The following TOX variants were observed in gnomAD, a reference collection of about 807,000 sequenced individuals.
TOX encodes the protein thymocyte selection-associated high mobility group box protein TOX.
In TOX, 11 loss-of-function variants were observed where a neutral mutation model predicts 53.7. The observed-to-expected ratio is 0.20, with a 90% CI of 0.13 to 0.34. The LOEUF (loss-of-function observed/expected upper bound fraction) is 0.34. Ranked by LOEUF, TOX falls within the 10% of genes least tolerant of loss-of-function variation. TOX has a pLI of 1.00. For synonymous variants in TOX, 225 were observed against 245.3 expected (o/e 0.92, Z 0.77); for missense variants, 570 against 664.6 (o/e 0.86, Z 1.56).
chr8:58,943,850 C>T (rs1049826793), intron 2 of TOX, among the ~76,000 whole-genome samples: 1 of 152,184 alleles, frequency 6.6e-6, no homozygotes, highest in African/African-American at 2.4e-5. Flanking sequence ...CCAACCAATG[C>T]TGAAAGTCAG....
intron 2 of TOX, among the ~76,000 whole-genome samples, chr8:58,952,135 G>T (rs1397146050): frequency 6.6e-6 from 1 of 152,132 alleles, no homozygotes; most frequent in Non-Finnish European, 1.5e-5. Flanking sequence ...TACACAGGAG[G>T]AGGTCTCAGA....
rs1805147841 is a variant in TOX at position 59,118,454 on chromosome 8, G to T, written c.102+432C>A. On this transcript the variant is annotated intron_variant, in intron 1 of 8. Transcript: ENST00000361421. This position sits in a 1 kb window ranked among gnomAD's most constrained non-coding sequence, Gnocchi z 4.1. ...CTGGCAACTAATCCGGAGAAGGGAA[G>T]TGGTGCCACGAGCCCCCACTGCCCG... is the stretch of plus-strand genomic sequence containing the variant. Among the ~76,000 whole-genome samples, 1 of 152,198 alleles carries T rather than the reference G, an allele frequency of 6.6e-6. No individual in the cohort carries two copies. The highest frequency in any genetic ancestry group is 2.4e-5 in the African/African-American group (1 of 41,462).
intron 1 of TOX, among the ~76,000 whole-genome samples, chr8:58,997,832 G>T (rs826597): frequency 0.31 from 46,276 of 151,696 alleles, 8,430 homozygotes; most frequent in South Asian, 0.43. Context: ...TCCCTCTGTC[G>T]CCCAGGCTGG....
intron 4 of TOX, among the ~76,000 whole-genome samples, chr8:58,839,838 A>G (rs1322544225): frequency 6.6e-6 from 1 of 152,212 alleles, no homozygotes; most frequent in Non-Finnish European, 1.5e-5. Flanking sequence ...GAGATGAAGC[A>G]TGATGTACAG....
At position 58,851,509 on chromosome 8, in the gene TOX, A is replaced by C; in HGVS notation, c.693+15T>G. On this transcript the variant is annotated intron_variant, in intron 4 of 8. Coordinates refer to ENST00000361421, the MANE Select transcript of TOX (RefSeq NM_014729.3). This position sits in a 1 kb window ranked among gnomAD's most constrained non-coding sequence, Gnocchi z 4.4. ...GAATAGTCTCCCATAGGTCCTAAAAATAACTTATTCATACCTTAGAGGTAT... is the reference window on the plus strand; with the variant it reads ...GAATAGTCTCCCATAGGTCCTAAAACTAACTTATTCATACCTTAGAGGTAT... The C allele has an allele frequency of 2.5e-6, 4 of 1,611,148 alleles. No homozygotes were observed. The South Asian group carries it at 4.4e-5, about 18-fold the overall frequency.
At chr8:58,841,900 ATTACCTAGACTCATT>A (rs1467958119) in intron 4 of TOX, among the ~76,000 whole-genome samples, 1 of 152,218 alleles carries the variant, frequency 6.6e-6, no homozygotes, top group Non-Finnish European at 1.5e-5. Context: ...CATATGGAAT[ATTACCTAGACTCATT>A]TTAAATTTTA....
intron 1 of TOX, among the ~76,000 whole-genome samples, chr8:59,006,626 A>G: frequency 6.6e-6 from 1 of 152,308 alleles, no homozygotes; most frequent in East Asian, 1.9e-4. Context: ...CCTAATATAT[A>G]TCTAATCCTC....
At chr8:58,996,716 C>T (rs1176700007) in intron 1 of TOX, among the ~76,000 whole-genome samples, 8 of 152,136 alleles carry the variant, frequency 5.3e-5, no homozygotes, top group East Asian at 1.9e-4. Flanking sequence ...TACTTTTTAT[C>T]GGCAATTTCT....
chr8:58,998,534 T>TATAAA (rs1554537352), intron 1 of TOX, among the ~76,000 whole-genome samples: 4 of 18,348 alleles, frequency 2.2e-4, no homozygotes, highest in African/African-American at 6.7e-4. Flanking sequence ...TATATATATA[T>TATAAA]ATATAAATTT....
intron 1 of TOX, among the ~76,000 whole-genome samples, chr8:59,055,631 GTGTT>G (rs1351797436): frequency 2.6e-5 from 4 of 152,184 alleles, no homozygotes; most frequent in Non-Finnish European, 4.4e-5. Flanking sequence ...CTGGGGAAAA[GTGTT>G]TGATCCCTGC....
intron 1 of TOX, among the ~76,000 whole-genome samples, chr8:59,044,873 A>T (rs542317896): frequency 6.6e-6 from 1 of 152,366 alleles, no homozygotes; most frequent in African/African-American, 2.4e-5. Flanking sequence ...GGAAAAACCA[A>T]CAGATTAATC....
intron 2 of TOX, among the ~76,000 whole-genome samples, chr8:58,954,045 A>T (rs1812670120): frequency 6.6e-6 from 1 of 152,182 alleles, no homozygotes; most frequent in South Asian, 2.1e-4. Flanking sequence ...TATTGTACAA[A>T]AAGAAATTTG....
At chr8:59,054,418 T>G (rs1214059209) in intron 1 of TOX, among the ~76,000 whole-genome samples, 1 of 152,238 alleles carries the variant, frequency 6.6e-6, no homozygotes, top group Admixed American at 6.5e-5. Context: ...TGTTGCCTTT[T>G]ATCTTGCCAA....
At chr8:59,005,543 T>C (rs1813775668) in intron 1 of TOX, among the ~76,000 whole-genome samples, 1 of 152,218 alleles carries the variant, frequency 6.6e-6, no homozygotes, top group Admixed American at 6.5e-5. Context: ...GTTAAAATAG[T>C]AGCACATTAA....
At chr8:58,839,022 C>G (rs1045121531) in intron 4 of TOX, among the ~76,000 whole-genome samples, 6 of 152,120 alleles carry the variant, frequency 3.9e-5, no homozygotes, top group African/African-American at 1.4e-4. Flanking sequence ...CTAATTATGG[C>G]TTTAAAACCT....
chr8:58,969,890 G>T lies in TOX; in HGVS notation c.103-9882C>A, dbSNP rs558935275. Among the ~76,000 whole-genome samples, 5 of 152,324 alleles carry T rather than the reference G, an allele frequency of 3.3e-5. No homozygotes were observed. In the South Asian group the frequency reaches 8.3e-4, roughly 25 times the overall value. On this transcript the variant is annotated intron_variant, in intron 1 of 8. Transcript: ENST00000361421. The stretch of plus-strand genomic sequence containing the variant: ...TTATTTATTCTGCATTGTGAGAGAT[G>T]ATTGGTGCCCCTTGTCTTACTTTCT...
At chr8:58,964,763 T>G (rs1434753819) in intron 1 of TOX, among the ~76,000 whole-genome samples, 1 of 152,184 alleles carries the variant, frequency 6.6e-6, no homozygotes, top group African/African-American at 2.4e-5. Context: ...ATACTGCTTT[T>G]TACTCCAACA....
Position 59,117,154 on chromosome 8 carries a change from G to C in TOX, c.102+1732C>G, listed in dbSNP as rs748839252. 2.0e-5 allele frequency among the ~76,000 whole-genome samples: 3 copies of C among 152,166 alleles called. No individual in the cohort carries two copies. The highest frequency in any genetic ancestry group is 4.8e-5 in the African/African-American group (2 of 41,432). On this transcript the variant is annotated intron_variant, in intron 1 of 8. Transcript: ENST00000361421. This position sits in a 1 kb window ranked among gnomAD's most constrained non-coding sequence, Gnocchi z 4.6. ...TGAGCTTTTGGTTCCGGTAACTACA[G>C]TGGAATAAGTCTTTACTCTCCAAGA...
At chr8:59,088,634 G>A (rs1435154436) in intron 1 of TOX, among the ~76,000 whole-genome samples, 1 of 152,190 alleles carries the variant, frequency 6.6e-6, no homozygotes, top group Non-Finnish European at 1.5e-5. Flanking sequence ...CCCTTAGTTG[G>A]ATAGGCTTTG....
Sources: gnomAD v4.1 joint callset for allele counts (sites outside exome capture counted in the v4.1 genomes callset) on GRCh38, gnomAD v4.1.1 for gene constraint, Gnocchi (gnomAD v3.1) non-coding constraint, MANE v1.5 for transcripts, NCBI Gene and HGNC (gene_info 2026-07-23, HGNC 2026-07-21) for gene names.